Variants in SZRD1 observed in about 807,000 individuals in gnomAD.
SZRD1 encodes SUZ RNA-binding domain-containing.
A neutral mutation model predicts 17.6 loss-of-function variants in SZRD1; 7 were observed. That is an observed-to-expected ratio of 0.40 (90% CI 0.23 to 0.75). The LOEUF is 0.75. Ranked by LOEUF, SZRD1 falls within the 30% of genes least tolerant of loss-of-function variation. The pLI is 0.38. For synonymous variants in SZRD1, 77 were observed against 77.9 expected (o/e 0.99, Z 0.06); for missense variants, 178 against 201.8 (o/e 0.88, Z 0.71).
At position 16,395,318 on chromosome 1, in the gene SZRD1, C is replaced by G. The variant is rs866794924; in HGVS notation, c.*178C>G. ...CCTTGAACCCCATGCACTGTGACCT[C>G]CCCCCTTCTCCCCCTTCCCACTGTG... On this transcript the variant is annotated 3_prime_UTR_variant, in exon 4 of 4. Transcript: ENST00000401088. 1 of 636,356 alleles carries G rather than the reference C, an allele frequency of 1.6e-6. No individual in the cohort carries two copies. The allele number at this position is 636,356 out of a possible 1,614,324, so 39.4% of individuals were successfully genotyped here.
rs888787094 is a variant in SZRD1, at chr1:16,391,086, C to T, written c.52-289C>T. 3.9e-5 allele frequency among the ~76,000 whole-genome samples: 6 copies of T among 152,092 alleles called. No homozygotes were observed. Among genetic ancestry groups the T allele is most frequent in the African/African-American group, 1.4e-4 (6 of 41,398 alleles). On this transcript the variant is annotated intron_variant, in intron 1 of 3. Coordinates refer to ENST00000401088, the MANE Select transcript of SZRD1 (RefSeq NM_001114600.3). This position sits in a 1 kb window ranked among gnomAD's most constrained non-coding sequence, Gnocchi z 4.3. Reference sequence around the variant, plus strand: ...GGTTTAGAAGTTGATATGAGTGGCTCTGTGAAAGACAGATTACAGGTCAGA... The same window carrying T: ...GGTTTAGAAGTTGATATGAGTGGCTTTGTGAAAGACAGATTACAGGTCAGA...
Position 16,393,732 on chromosome 1 carries a change from CG to C in SZRD1, c.356+255del, listed in dbSNP as rs1347325772. On this transcript the variant is annotated intron_variant, in intron 3 of 3. Transcript: ENST00000401088. This position sits in a 1 kb window ranked among gnomAD's most constrained non-coding sequence, Gnocchi z 5.6. ...TGCTCCCTCTGCGGTTGGTAGTCAC[CG>C]GGGGCACTGTTGTGTAGAGAGTGAA... Among the ~76,000 whole-genome samples the C allele has an allele frequency of 3.3e-5, 5 of 152,132 alleles. No homozygotes were observed. The East Asian group carries it at 9.6e-4, about 29-fold the overall frequency.
intron 1 of SZRD1, among the ~76,000 whole-genome samples, chr1:16,376,855 G>A (rs1201537666): frequency 1.3e-5 from 2 of 151,378 alleles, no homozygotes; most frequent in African/African-American, 2.4e-5. Context: ...TGGAGGGGGC[G>A]GTGGTCTTGC....
chr1:16,383,520 T>C (rs1267343780), intron 1 of SZRD1, among the ~76,000 whole-genome samples: 2 of 151,818 alleles, frequency 1.3e-5, no homozygotes, highest in Non-Finnish European at 2.9e-5. Flanking sequence ...GCCTCAGCCT[T>C]AATTTTATAT....
At chr1:16,380,334 T>G (rs949076098) in intron 1 of SZRD1, among the ~76,000 whole-genome samples, 1 of 151,184 alleles carries the variant, frequency 6.6e-6, no homozygotes, top group African/African-American at 2.4e-5. Context: ...AGCTGGAGTC[T>G]CACCCTGTCT....
In SZRD1 at chr1:16,395,099, T is replaced by G. The variant is rs959129812; in HGVS notation, c.418T>G (p.Leu140Val). ...RQPNNVIRQP[L>V]GPDGSQGFKQ... ...GCCCAATAATGTGATCAGACAGCCT[T>G]TGGGTCCTGATGGGTCTCAAGGCTT... is the stretch of plus-strand genomic sequence containing the variant. The change falls in exon 4 of 4, where the codon TTG becomes GTG. Residue 140 changes from leucine to valine, a missense_variant. This residue lies in a region of SZRD1 where 57 missense variants were observed against 71.9 expected (regional missense o/e 0.79). Coordinates refer to ENST00000401088, the MANE Select transcript of SZRD1 (RefSeq NM_001114600.3). 1 of 1,613,856 alleles carries G rather than the reference T, an allele frequency of 6.2e-7. No individual in the cohort carries two copies. Among genetic ancestry groups the G allele is most frequent in the Non-Finnish European group, 8.5e-7 (1 of 1,179,844 alleles).
intron 1 of SZRD1, among the ~76,000 whole-genome samples, chr1:16,389,277 G>C (rs868477277): frequency 0.1 from 11,187 of 112,142 alleles, 582 homozygotes; most frequent in Non-Finnish European, 0.12. Context: ...GAGGGGGGGT[G>C]GGGGGGGGGC....
chr1:16,369,300 A>G (rs2082872513), intron 1 of SZRD1: 5 of 680,190 alleles, frequency 7.4e-6, no homozygotes, highest in Non-Finnish European at 1.3e-5. Context: ...TTTTGGAGAA[A>G]GGCACCTCGG....
chr1:16,382,984 G>A (rs1430819507), intron 1 of SZRD1, among the ~76,000 whole-genome samples: 1 of 151,704 alleles, frequency 6.6e-6, no homozygotes, highest in Admixed American at 6.6e-5. Flanking sequence ...TCCTGCCTCA[G>A]CCTCCTGAGT....
chr1:16,373,247 T>A (rs1478749545), intron 1 of SZRD1, among the ~76,000 whole-genome samples: 76 of 140,020 alleles, frequency 5.4e-4, no homozygotes, highest in Non-Finnish European at 3.3e-4. Flanking sequence ...TTTTTTTTTT[T>A]AAGCAGAAGA....
rs557941588 is a variant in SZRD1, at chr1:16,369,932, C to A, written c.51+2624C>A. ...AAAAACTACAGAGGTGGAACACAAA[C>A]CTTGCCTTATTGACATCATGAACAC... is the stretch of plus-strand genomic sequence containing the variant. On this transcript the variant is annotated intron_variant, in intron 1 of 3. Coordinates refer to ENST00000401088, the MANE Select transcript of SZRD1 (RefSeq NM_001114600.3). 8.6e-5 allele frequency among the ~76,000 whole-genome samples: 13 copies of A among 150,768 alleles called. 1 individual carries two copies. In the South Asian group the frequency reaches 2.3e-3, roughly 27 times the overall value.
At chr1:16,388,358 CCAAAGT>C (rs1345162063) in intron 1 of SZRD1, among the ~76,000 whole-genome samples, 5 of 152,196 alleles carry the variant, frequency 3.3e-5, no homozygotes, top group Admixed American at 6.5e-5. Context: ...CCTCGGCCTC[CCAAAGT>C]CAAAGTGCTA....
At chr1:16,367,436 G>A in intron 1 of SZRD1, 128 bp downstream of exon 1, 1 of 844,546 alleles carries the variant, frequency 1.2e-6, no homozygotes, top group Non-Finnish European at 1.8e-6. Context: ...GGGTGGTGGA[G>A]AGGCCCCCAG....
In SZRD1 at chr1:16,393,647, C is replaced by T. The variant is rs530420044; in HGVS notation, c.356+165C>T. Among the ~76,000 whole-genome samples, 23 of 152,268 alleles carry T rather than the reference C, an allele frequency of 1.5e-4. 1 individual carries two copies. In the South Asian group the frequency reaches 3.9e-3, roughly 26 times the overall value. On this transcript the variant is annotated intron_variant, in intron 3 of 3. Coordinates refer to ENST00000401088, the MANE Select transcript of SZRD1 (RefSeq NM_001114600.3). This position sits in a 1 kb window ranked among gnomAD's most constrained non-coding sequence, Gnocchi z 5.6. The stretch of plus-strand genomic sequence containing the variant: ...GCCTGCTGGCACTAGTTCACTGTGC[C>T]GCATTGGCTGGAGAGGGCTCTGAAA...
At chr1:16,373,573 C>T (rs2082947985) in intron 1 of SZRD1, among the ~76,000 whole-genome samples, 1 of 148,886 alleles carries the variant, frequency 6.7e-6, no homozygotes, top group Non-Finnish European at 1.5e-5. Context: ...GAGTGGAACT[C>T]CGTCTCAAAA....
rs558116540 is a variant in SZRD1, at chr1:16,369,623, T to C, written c.51+2315T>C. The stretch of plus-strand genomic sequence containing the variant: ...ATGTACCGCGGCCAGGTGCTGTGGC[T>C]CACGCCTGTAATCCCAGCACTGTGG... On this transcript the variant is annotated intron_variant, in intron 1 of 3. Coordinates refer to ENST00000401088, the MANE Select transcript of SZRD1 (RefSeq NM_001114600.3). 4.7e-5 allele frequency: 28 copies of C among 594,306 alleles called. No individual in the cohort carries two copies. The South Asian group carries it at 5.0e-4, about 11-fold the overall frequency. 36.8% of individuals were successfully genotyped at this position (594,306 alleles called of 1,614,324 possible).
chr1:16,374,007 C>G (rs1485410960), intron 1 of SZRD1, among the ~76,000 whole-genome samples: 1 of 152,128 alleles, frequency 6.6e-6, no homozygotes, highest in Non-Finnish European at 1.5e-5. Flanking sequence ...CTCTGGGGTC[C>G]CCAATGCTTT....
At chr1:16,382,556 A>G (rs1178503533) in intron 1 of SZRD1, among the ~76,000 whole-genome samples, 1 of 144,790 alleles carries the variant, frequency 6.9e-6, no homozygotes, top group African/African-American at 2.6e-5. Context: ...GTGCAGTGAC[A>G]CAATCTCAGC....
rs1229912007 is a variant in SZRD1 at position 16,391,505 on chromosome 1, A to G, written c.101+81A>G. ...AGTCAGTGGTGTTCTCCAGCTGGCC[A>G]TTAGGATTAGCAGGTCCTAGCAGGT... On this transcript the variant is annotated intron_variant, in intron 2 of 3. Coordinates refer to ENST00000401088, the MANE Select transcript of SZRD1 (RefSeq NM_001114600.3). This position sits in a 1 kb window ranked among gnomAD's most constrained non-coding sequence, Gnocchi z 4.3. 5.6e-6 allele frequency: 7 copies of G among 1,246,746 alleles called. No homozygotes were observed. In the Admixed American group the frequency reaches 1.1e-4, roughly 19 times the overall value. The allele number at this position is 1,246,746 out of a possible 1,614,324, so 77.2% of individuals were successfully genotyped here.
Sources: gnomAD v4.1 joint callset for allele counts (sites outside exome capture counted in the v4.1 genomes callset) on GRCh38, gnomAD v4.1.1 for gene constraint, gnomAD v4.1.1 regional missense constraint, Gnocchi (gnomAD v3.1) non-coding constraint, MANE v1.5 for transcripts, NCBI Gene and HGNC (gene_info 2026-07-23, HGNC 2026-07-21) for gene names.